Variants in CDH18 observed in about 807,000 individuals in gnomAD.
The protein encoded by CDH18 is cadherin-18.
In CDH18, 31 loss-of-function variants were observed where a neutral mutation model predicts 67.9. The ratio of observed to expected loss-of-function variants is 0.46; its 90% CI spans 0.34 to 0.62. The LOEUF is 0.62. Ranked by LOEUF, CDH18 falls within the 20% of genes least tolerant of loss-of-function variation. The pLI, the probability that CDH18 is intolerant of heterozygous loss-of-function variation, is 0.01. For synonymous variants in CDH18, 362 were observed against 347.2 expected, an observed-to-expected ratio of 1.04 and a Z score of -0.48; for missense variants, 890 against 975.5, an observed-to-expected ratio of 0.91 and a Z score of 1.17.
chr5:19,960,625 A>G (rs1294092928), intron 2 of CDH18, among the ~76,000 whole-genome samples: 2 of 133,402 alleles, frequency 1.5e-5, no homozygotes, highest in South Asian at 2.2e-4. Flanking sequence ...ATATATATAC[A>G]CGTGTATATG....
intron 1 of CDH18, among the ~76,000 whole-genome samples, chr5:20,297,234 A>T (rs943227428): frequency 1.3e-5 from 2 of 152,192 alleles, no homozygotes; most frequent in Non-Finnish European, 2.9e-5. Context: ...TTCATGCATG[A>T]TTTTAAGCAT....
At chr5:20,150,995 A>C (rs1465259242) in intron 2 of CDH18, among the ~76,000 whole-genome samples, 1 of 151,908 alleles carries the variant, frequency 6.6e-6, no homozygotes, top group Non-Finnish European at 1.5e-5. Flanking sequence ...TCCTACTTTT[A>C]AGTCAACAAT....
At chr5:20,400,339 G>A (rs923424958) in intron 1 of CDH18, among the ~76,000 whole-genome samples, 10 of 151,960 alleles carry the variant, frequency 6.6e-5, no homozygotes, top group South Asian at 2.1e-4. Flanking sequence ...TTACCCAGGC[G>A]TGGTGTCAGG....
chr5:19,952,738 A>T (rs1795921208), intron 2 of CDH18, among the ~76,000 whole-genome samples: 1 of 152,188 alleles, frequency 6.6e-6, no homozygotes, highest in African/African-American at 2.4e-5. Flanking sequence ...GTAAATCTAT[A>T]GTTCAAGACA....
intron 1 of CDH18, among the ~76,000 whole-genome samples, chr5:20,318,341 G>A (rs1032449922): frequency 1.3e-5 from 2 of 152,066 alleles, no homozygotes; most frequent in African/African-American, 4.8e-5. Flanking sequence ...ACTATTGTCC[G>A]AAGATGCCAC....
At chr5:19,613,050 C>G (rs565711477) in intron 5 of CDH18, among the ~76,000 whole-genome samples, 1 of 152,104 alleles carries the variant, frequency 6.6e-6, no homozygotes, top group East Asian at 1.9e-4. Context: ...TGAGGCTAGG[C>G]AGGAGAATCG....
intron 1 of CDH18, among the ~76,000 whole-genome samples, chr5:20,397,896 A>G (rs1038487517): frequency 6.6e-6 from 1 of 152,202 alleles, no homozygotes; most frequent in Non-Finnish European, 1.5e-5. Context: ...GTGAAATGTA[A>G]TCTTAGCAAA....
chr5:19,610,289 T>G (rs1748736079), intron 6 of CDH18, among the ~76,000 whole-genome samples: 1 of 152,112 alleles, frequency 6.6e-6, no homozygotes, highest in Non-Finnish European at 1.5e-5. Flanking sequence ...GGTAAAGTGA[T>G]TATTTTCACT....
chr5:19,817,430 A>G (rs544504741), intron 3 of CDH18, among the ~76,000 whole-genome samples: 126 of 152,040 alleles, frequency 8.3e-4, no homozygotes, highest in Non-Finnish European at 1.4e-3. Context: ...CATTCATAAC[A>G]TTATTACATG....
At chr5:19,650,711 T>C (rs892952323) in intron 5 of CDH18, among the ~76,000 whole-genome samples, 2 of 151,996 alleles carry the variant, frequency 1.3e-5, no homozygotes, top group Admixed American at 6.6e-5. Flanking sequence ...GTCACAAGGA[T>C]CTTTCATTCA....
intron 10 of CDH18, among the ~76,000 whole-genome samples, chr5:19,513,864 T>A (rs916939368): frequency 5.9e-5 from 9 of 152,154 alleles, no homozygotes; most frequent in Admixed American, 3.3e-4. Flanking sequence ...TTTTTTTTTA[T>A]ACTTTAAGTT....
intron 5 of CDH18, among the ~76,000 whole-genome samples, chr5:19,688,843 TA>T (rs561327657): frequency 4.5e-4 from 69 of 151,954 alleles, no homozygotes; most frequent in Middle Eastern, 6.8e-3. Flanking sequence ...ATAGATATCA[TA>T]AAAAAGAATC....
At chr5:20,019,126 T>C (rs376983298) in intron 2 of CDH18, among the ~76,000 whole-genome samples, 37 of 152,268 alleles carry the variant, frequency 2.4e-4, no homozygotes, top group Middle Eastern at 3.4e-3. Flanking sequence ...AACCTGAGAA[T>C]GTGAACTGTG....
intron 1 of CDH18, among the ~76,000 whole-genome samples, chr5:20,411,766 G>A (rs1047866412): frequency 2.0e-5 from 3 of 149,114 alleles, no homozygotes; most frequent in Admixed American, 1.4e-4. Context: ...AATAGTAAAT[G>A]CAATCTCATT....
At chr5:20,044,172 GT>G (rs1262044454) in intron 2 of CDH18, among the ~76,000 whole-genome samples, 1 of 52,302 alleles carries the variant, frequency 1.9e-5, no homozygotes, top group Non-Finnish European at 8.4e-5. Context: ...CTATTTAACT[GT>G]TAAAAAAAAA....
At chr5:20,178,704 A>G (rs1410541081) in intron 2 of CDH18, among the ~76,000 whole-genome samples, 1 of 151,890 alleles carries the variant, frequency 6.6e-6, no homozygotes, top group Non-Finnish European at 1.5e-5. Context: ...CACTAATAAT[A>G]CCTTCCCCTA....
chr5:20,250,733 G>A (rs1743796429), intron 2 of CDH18, among the ~76,000 whole-genome samples: 1 of 150,370 alleles, frequency 6.7e-6, no homozygotes, highest in Non-Finnish European at 1.5e-5. Flanking sequence ...AACCTCCTGA[G>A]TAGCTGGGAT....
intron 2 of CDH18, among the ~76,000 whole-genome samples, chr5:20,046,919 G>A (rs150023080): frequency 5.9e-4 from 89 of 151,918 alleles, no homozygotes; most frequent in Admixed American, 3.2e-3. Flanking sequence ...GCCGTAAGGC[G>A]AGAGCAGCAC....
intron 2 of CDH18, among the ~76,000 whole-genome samples, chr5:20,029,760 T>C (rs1215942017): frequency 3.3e-5 from 5 of 152,190 alleles, no homozygotes; most frequent in African/African-American, 4.8e-5. Flanking sequence ...ACTGTATTAG[T>C]TTCTTTTCCT....
Sources: gnomAD v4.1 joint callset for allele counts (sites outside exome capture counted in the v4.1 genomes callset) on GRCh38, gnomAD v4.1.1 for gene constraint, MANE v1.5 for transcripts, NCBI Gene and HGNC (gene_info 2026-07-23, HGNC 2026-07-21) for gene names.